The following ZNF568 variants were observed in gnomAD, a reference collection of about 807,000 sequenced individuals.
The protein encoded by ZNF568 is zinc finger protein 568.
In ZNF568, 11 loss-of-function variants were observed where a neutral mutation model predicts 18.1. The ratio of observed to expected loss-of-function variants is 0.61; its 90% CI spans 0.38 to 1.00. The LOEUF (loss-of-function observed/expected upper bound fraction) is 1.00. Among genes scored for constraint, ZNF568 ranks in the 50% least tolerant of loss-of-function variants. ZNF568 has a pLI of 0.01. For missense variants in ZNF568, 639 were observed against 768.2 expected (o/e 0.83, Z 1.99); for synonymous variants, 213 against 246.6 (o/e 0.86, Z 1.28).
chr19:36,922,469 C>G, intron 2 of ZNF568, 117 bp from the exon 3 acceptor site: 1 of 275,598 alleles, frequency 3.6e-6, no homozygotes, highest in East Asian at 6.8e-5. Context: ...TGGGAGGGAT[C>G]TACAAAGGCA....
intron 2 of ZNF568, among the ~76,000 whole-genome samples, chr19:36,919,351 C>T (rs2073411108): frequency 6.6e-6 from 1 of 152,130 alleles, no homozygotes; most frequent in African/African-American, 2.4e-5. Flanking sequence ...GGACTATATA[C>T]ATACATGACA....
downstream of ZNF568, among the ~76,000 whole-genome samples, chr19:36,957,475 G>A (rs951502120): frequency 2.0e-5 from 3 of 152,068 alleles, no homozygotes; most frequent in Non-Finnish European, 2.9e-5. Context: ...CAGGTGATCC[G>A]CCTCAGCCTC....
downstream of ZNF568, chr19:36,997,287 GA>G: frequency 6.2e-7 from 1 of 1,602,044 alleles, no homozygotes; most frequent in Non-Finnish European, 8.5e-7. Flanking sequence ...ATACTGGGGA[GA>G]AACCCTGTAA....
chr19:36,991,008 C>T (rs1328811420), intron 2 of ZNF568: 1 of 652,872 alleles, frequency 1.5e-6, no homozygotes, highest in African/African-American at 1.8e-5. Flanking sequence ...GGGCACTTCA[C>T]TCTGATCACC....
At chr19:36,932,450 C>G (rs1400991805) in intron 4 of ZNF568, among the ~76,000 whole-genome samples, 2 of 152,140 alleles carry the variant, frequency 1.3e-5, no homozygotes, top group African/African-American at 4.8e-5. Flanking sequence ...AGTAGCCGTG[C>G]CTGGTGGCAC....
downstream of ZNF568, among the ~76,000 whole-genome samples, chr19:36,984,600 A>G (rs1002243279): frequency 1.3e-5 from 2 of 151,966 alleles, no homozygotes; most frequent in Non-Finnish European, 2.9e-5. Flanking sequence ...TTGGTTCACC[A>G]TTCTTTCTTA....
intron 6 of ZNF568, among the ~76,000 whole-genome samples, chr19:36,946,651 T>C (rs1230907311): frequency 1.9e-5 from 1 of 53,558 alleles, no homozygotes. Flanking sequence ...TTTGTTTCCT[T>C]TTTTTTTTTT....
intron 4 of ZNF568, among the ~76,000 whole-genome samples, chr19:36,994,218 G>A (rs1644687): frequency 0.53 from 81,236 of 151,844 alleles, 22,248 homozygotes; most frequent in African/African-American, 0.62. Context: ...GAATTTCCCA[G>A]ATTTCCTTCT....
chr19:36,996,091 G>T (rs2074468615), intron 4 of ZNF568, among the ~76,000 whole-genome samples: 1 of 152,138 alleles, frequency 6.6e-6, no homozygotes. Flanking sequence ...GTGGCTGGGT[G>T]CAGCGGCTCA....
chr19:36,991,438 A>C, intron 3 of ZNF568: 1 of 1,193,368 alleles, frequency 8.4e-7, no homozygotes, highest in East Asian at 2.6e-5. Flanking sequence ...CTTGCTCACC[A>C]AAAGAATGGT....
intron 2 of ZNF568, among the ~76,000 whole-genome samples, chr19:36,917,930 A>G (rs2073374997): frequency 6.6e-6 from 1 of 151,836 alleles, no homozygotes; most frequent in Non-Finnish European, 1.5e-5. Context: ...ATTTTCTTCT[A>G]GTTTTTGTTG....
chr19:36,942,009 G>A (rs1600803968), intron 6 of ZNF568, among the ~76,000 whole-genome samples: 2 of 146,752 alleles, frequency 1.4e-5, no homozygotes, highest in East Asian at 4.0e-4. Context: ...TTGAGACAGA[G>A]TCTTGCTGTT....
chr19:36,932,910 G>A (rs1456562351), intron 4 of ZNF568, among the ~76,000 whole-genome samples: 2 of 152,062 alleles, frequency 1.3e-5, no homozygotes, highest in Non-Finnish European at 2.9e-5. Context: ...ACTTTTAAGA[G>A]GTCTGTACAT....
intron 3 of ZNF568, among the ~76,000 whole-genome samples, chr19:36,924,238 A>G (rs1253941524): frequency 6.6e-6 from 1 of 151,618 alleles, no homozygotes; most frequent in Non-Finnish European, 1.5e-5. Flanking sequence ...TTTGAGGGGG[A>G]GACAGAGTCT....
chr19:36,958,390 C>T (rs1165661937), intron 6 of ZNF568, among the ~76,000 whole-genome samples: 1 of 151,786 alleles, frequency 6.6e-6, no homozygotes, highest in Non-Finnish European at 1.5e-5. Context: ...CCCATCTGGG[C>T]CTGATGCTTT....
At chr19:36,931,254 C>T (rs1172798721) in intron 4 of ZNF568, among the ~76,000 whole-genome samples, 2 of 152,222 alleles carry the variant, frequency 1.3e-5, no homozygotes, top group Non-Finnish European at 2.9e-5. Flanking sequence ...ATCATGTTTA[C>T]TGACATTCCT....
intron 4 of ZNF568, among the ~76,000 whole-genome samples, chr19:36,995,913 C>A (rs773026135): frequency 3.9e-4 from 60 of 152,088 alleles, no homozygotes; most frequent in South Asian, 2.1e-4. Context: ...GATAATAACC[C>A]CCTCAAAGAT....
chr19:36,940,892 G>A (rs549849593), intron 6 of ZNF568, among the ~76,000 whole-genome samples: 1 of 152,258 alleles, frequency 6.6e-6, no homozygotes, highest in African/African-American at 2.4e-5. Flanking sequence ...TGTCTGTTTG[G>A]GGGGTAAAAT....
At chr19:36,937,601 T>C (rs926086051) in intron 6 of ZNF568, among the ~76,000 whole-genome samples, 3 of 152,226 alleles carry the variant, frequency 2.0e-5, no homozygotes, top group African/African-American at 7.2e-5. Context: ...CAGTATTTCA[T>C]GGTTGTGTAG....
Sources: gnomAD v4.1 joint callset for allele counts (sites outside exome capture counted in the v4.1 genomes callset) on GRCh38, gnomAD v4.1.1 for gene constraint, MANE v1.5 for transcripts, NCBI Gene and HGNC (gene_info 2026-07-23, HGNC 2026-07-21) for gene names.